Variants in BTNL2 observed in about 807,000 individuals in gnomAD.
The protein encoded by BTNL2 is butyrophilin like 2, also known as butyrophilin-like protein 2.
In BTNL2, 46 loss-of-function variants were observed where a neutral mutation model predicts 46.8. The ratio of observed to expected loss-of-function variants is 0.98; its 90% CI spans 0.78 to 1.26. The LOEUF is 1.26. Ranked by LOEUF, BTNL2 falls within the 50% of genes most tolerant of loss-of-function variation. The probability of loss-of-function intolerance (pLI) is 0.00; values close to 1 mark genes in which losing one functional copy is unlikely to be tolerated. For synonymous variants in BTNL2, 226 were observed against 229.1 expected, an observed-to-expected ratio of 0.99 and a Z score of 0.12; for missense variants, 461 against 592.6, an observed-to-expected ratio of 0.78 and a Z score of 2.31.
rs748866787 is a variant in BTNL2 at position 32,402,923 on chromosome 6, C to G, written c.709+12G>C. The G allele has an allele frequency of 1.2e-6, 2 of 1,610,782 alleles. No homozygotes were observed. The highest frequency in any genetic ancestry group is 1.7e-6 in the Non-Finnish European group (2 of 1,178,268). On this transcript the variant is annotated intron_variant, in intron 3 of 7. Transcript: ENST00000454136. ...GATCTGAGCATGTGGGTCCTAGAGG[C>G]AGAGCACTGACCTGGGAGGCTGATG...
rs766927589 is a variant in BTNL2, at chr6:32,405,153, G to T, written c.213C>A (p.Ser71Arg). ...CATCCCTGTGCACAAACACAGGTGT[G>T]CTGGGCTCTGAGCGGTACCACCTCA... ...VEVRWYRSEP[S>R]TPVFVHRDGV... The change falls in exon 2 of 8, where the codon AGC becomes AGA. Residue 71 changes from serine (S) to arginine (R), a missense_variant. Transcript: ENST00000454136. The T allele has an allele frequency of 6.2e-7, 1 of 1,612,932 alleles. No individual in the cohort carries two copies. The highest frequency in any genetic ancestry group is 8.5e-7 in the Non-Finnish European group (1 of 1,180,024).
chr6:32,395,006 C>A lies in BTNL2; in HGVS notation c.1098G>T (p.Leu366=). 3 of 1,597,390 alleles carry A rather than the reference C, an allele frequency of 1.9e-6. No individual in the cohort carries two copies. Among genetic ancestry groups the A allele is most frequent in the South Asian group, 2.3e-5 (2 of 88,720 alleles). ...LKVVSLGSSP[L]ITVEGQEDGE... ...CATCTTCTTGCCCCTCCACAGTGAT[C>A]AGTGGGGAAGAACCCAGACCTGGGG... The change falls in exon 6 of 8, where the codon CTG becomes CTT. Residue 366 remains leucine, a synonymous_variant. Coordinates refer to ENST00000454136, the MANE Select transcript of BTNL2 (RefSeq NM_001304561.2).
chr6:32,405,354 G>A (rs1562260627), intron 1 of BTNL2, 68 bp from the exon 2 acceptor site: 4 of 1,435,378 alleles, frequency 2.8e-6, no homozygotes, highest in South Asian at 1.2e-5. Flanking sequence ...GCTTTGGGGT[G>A]TCCAGCCTGT....
intron 4 of BTNL2, among the ~76,000 whole-genome samples, chr6:32,398,452 A>C (rs561468661): frequency 2.6e-5 from 4 of 152,278 alleles, no homozygotes; most frequent in Admixed American, 1.3e-4. Context: ...TTGTCCTGTA[A>C]TTTTACCTAA....
intron 2 of BTNL2, among the ~76,000 whole-genome samples, chr6:32,404,669 T>C (rs905434600): frequency 3.3e-5 from 5 of 152,254 alleles, no homozygotes; most frequent in African/African-American, 1.2e-4. Context: ...CACAAATGTG[T>C]GTCTCAGCAA....
Position 32,394,747 on chromosome 6 carries a change from A to AGAGAG in BTNL2, c.1352_1356dup (p.Ser453LeufsTer7). 6.2e-7 allele frequency: 1 copy of AGAGAG among 1,611,372 alleles called. No homozygotes were observed. Among genetic ancestry groups the AGAGAG allele is most frequent in the Non-Finnish European group, 8.5e-7 (1 of 1,177,812 alleles). On this transcript the variant is annotated frameshift_variant, in exon 6 of 8. Transcript: ENST00000454136. LOFTEE classifies it high-confidence loss of function. This position sits in a 1 kb window ranked among gnomAD's most constrained non-coding sequence, Gnocchi z 4.6. ...AGGAACATAAGGAATCACCAACCTG[A>AGAGAG]GAGAGAAAAAGTTGCGATTTTCTCC...
In BTNL2 at chr6:32,396,818, AGAAATAC is replaced by A. The variant is rs1185412127; in HGVS notation, c.731-439_731-433del. Among the ~76,000 whole-genome samples, 1,778 of 152,028 alleles carry A rather than the reference AGAAATAC, an allele frequency of 0.012. 62 individuals carry two copies. Among genetic ancestry groups the A allele is most frequent in the East Asian group, 0.1 (534 of 5,114 alleles). On this transcript the variant is annotated intron_variant, in intron 4 of 7. Transcript: ENST00000454136. The surrounding 1 kb of genome is among the most constrained non-coding windows in gnomAD (Gnocchi z 4.4). ...CAACATGGTGAAACCCCGTCTCTAC[AGAAATAC>A]AAAAATTAGTCGGGCATGATGGTGG...
intron 4 of BTNL2, among the ~76,000 whole-genome samples, chr6:32,401,096 T>A (rs1379650305): frequency 7.4e-5 from 11 of 147,838 alleles, no homozygotes; most frequent in Admixed American, 6.8e-4. Flanking sequence ...TAGTCCCAGC[T>A]ACTTGGGAGG....
In BTNL2 at chr6:32,401,818, C is replaced by T; in HGVS notation, c.710-13G>A. 1 of 1,607,250 alleles carries T rather than the reference C, an allele frequency of 6.2e-7. No homozygotes were observed. The highest frequency in any genetic ancestry group is 8.5e-7 in the Non-Finnish European group (1 of 1,176,546). ...GTCTGGAGTTTCTCTGGAAAAAGAA[C>T]AAGAATAACATATTAAGGAATTTGG... On this transcript the variant is annotated splice_polypyrimidine_tract_variant and intron_variant, in intron 3 of 7. Transcript: ENST00000454136.
Position 32,407,058 on chromosome 6 carries a change from T to G in BTNL2, c.66A>C (p.Thr22=). ...AVASFLFILL[T]MKQSEDFRVI... ...AGGGAATCCTACCTGACTGCTTCAT[T>G]GTCAGCAGGATGAATAGGAAGGAGG... The change falls in exon 1 of 8, where the codon ACA becomes ACC. Residue 22 remains threonine (T), a synonymous_variant. Transcript: ENST00000454136. 1 of 1,612,884 alleles carries G rather than the reference T, an allele frequency of 6.2e-7. No homozygotes were observed. Among genetic ancestry groups the G allele is most frequent in the Non-Finnish European group, 8.5e-7 (1 of 1,179,920 alleles).
In BTNL2 at chr6:32,394,996, C is replaced by A; in HGVS notation, c.1108G>T (p.Glu370Ter). ...TGCATTTCTCCATCTTCTTGCCCCTCCACAGTGATCAGTGGGGAAGAACCC... is the reference window on the plus strand; with the variant it reads ...TGCATTTCTCCATCTTCTTGCCCCTACACAGTGATCAGTGGGGAAGAACCC... ...SLGSSPLITVEGQEDGEMQPM... is the reference protein window; with the variant it reads ...SLGSSPLITV Residue 370 changes from glutamate to a stop codon, truncating the protein, a stop_gained, in exon 6 of 8, where the codon GAG (glutamate) becomes TAG (stop). Transcript: ENST00000454136. LOFTEE classifies it high-confidence loss of function. The surrounding 1 kb of genome is among the most constrained non-coding windows in gnomAD (Gnocchi z 4.6). The A allele has an allele frequency of 6.2e-7, 1 of 1,605,736 alleles. No individual in the cohort carries two copies. The highest frequency in any genetic ancestry group is 8.5e-7 in the Non-Finnish European group (1 of 1,174,698).
intron 4 of BTNL2, among the ~76,000 whole-genome samples, chr6:32,398,245 C>T (rs118106395): frequency 0.012 from 1,859 of 152,266 alleles, 69 homozygotes; most frequent in East Asian, 0.11. Flanking sequence ...ATAATAGAAA[C>T]ACAAGCATAA....
Position 32,394,631 on chromosome 6 carries a change from G to T in BTNL2, c.1360+113C>A. The T allele has an allele frequency of 1.5e-6, 2 of 1,293,408 alleles. No homozygotes were observed. Among genetic ancestry groups the T allele is most frequent in the Non-Finnish European group, 2.1e-6 (2 of 938,358 alleles). The allele number at this position is 1,293,408 out of a possible 1,614,324, so 80.1% of individuals were successfully genotyped here. On this transcript the variant is annotated intron_variant, in intron 6 of 7. Transcript: ENST00000454136. This position sits in a 1 kb window ranked among gnomAD's most constrained non-coding sequence, Gnocchi z 4.6. ...TTTGCAGAGGATAGCAGGAGACCTC[G>T]TCAGAGATCAGCAAATAAAAATCAC...
chr6:32,405,060 A>G lies in BTNL2; in HGVS notation c.306T>C (p.Ile102=). 1.2e-6 allele frequency: 2 copies of G among 1,613,006 alleles called. No homozygotes were observed. Residue 102 remains isoleucine (I), a synonymous_variant, in exon 2 of 8, where the codon ATT becomes ATC. Coordinates refer to ENST00000454136, the MANE Select transcript of BTNL2 (RefSeq NM_001304561.2). ...RGWVEWIENG[I]AKGNVALKIH... is the part of the protein sequence containing the mutation. ...TCTTCAGTGCCACATTTCCCTTTGC[A>G]ATGCCATTCTCTATCCACTCTACCC... is the stretch of plus-strand genomic sequence containing the variant.
chr6:32,398,752 T>C (rs1776590372), intron 4 of BTNL2, among the ~76,000 whole-genome samples: 1 of 152,206 alleles, frequency 6.6e-6, no homozygotes, highest in Non-Finnish European at 1.5e-5. Flanking sequence ...AATGTAAGTA[T>C]GGAGATTCAA....
chr6:32,396,419 G>T lies in BTNL2; in HGVS notation c.731-33C>A, dbSNP rs1415013617. On this transcript the variant is annotated intron_variant, in intron 4 of 7. Coordinates refer to ENST00000454136, the MANE Select transcript of BTNL2 (RefSeq NM_001304561.2). This position sits in a 1 kb window ranked among gnomAD's most constrained non-coding sequence, Gnocchi z 4.4. ...ATAGAGTGGACAAAACACAATGAAAGAATCAAAATGGAACCAATAATGTCA... is the reference window on the plus strand; with the variant it reads ...ATAGAGTGGACAAAACACAATGAAATAATCAAAATGGAACCAATAATGTCA... The T allele has an allele frequency of 1.9e-6, 3 of 1,562,264 alleles. No homozygotes were observed. The highest frequency in any genetic ancestry group is 4.5e-5 in the East Asian group (2 of 44,430).
chr6:32,396,315 A>G lies in BTNL2; in HGVS notation c.802T>C (p.Tyr268His), dbSNP rs116715584. Reference sequence around the variant, plus strand: ...TGTGCATTCGCCTTGGGGGACAGGTAACAGGTTAGCTGTATATCTTCTCCC... The same window carrying G: ...TGTGCATTCGCCTTGGGGGACAGGTGACAGGTTAGCTGTATATCTTCTCCC... Reference protein sequence around the residue: ...RVGEDIQLTCYLSPKANAQSM... With the variant: ...RVGEDIQLTCHLSPKANAQSM... Residue 268 changes from tyrosine to histidine, a missense_variant, in exon 5 of 8, where the codon TAC becomes CAC. Physicochemically the swap from Tyr to His is moderately conservative, Grantham distance 83. Coordinates refer to ENST00000454136, the MANE Select transcript of BTNL2 (RefSeq NM_001304561.2). The surrounding 1 kb of genome is among the most constrained non-coding windows in gnomAD (Gnocchi z 4.4). 4.0e-4 allele frequency: 643 copies of G among 1,612,880 alleles called. 1 individual carries two copies. The African/African-American group carries it at 7.8e-3, about 19-fold the overall frequency.
Position 32,401,821 on chromosome 6 carries a change from G to T in BTNL2, c.710-16C>A. ...TGGAGTTTCTCTGGAAAAAGAACAA[G>T]AATAACATATTAAGGAATTTGGTGT... On this transcript the variant is annotated splice_polypyrimidine_tract_variant and intron_variant, in intron 3 of 7. Transcript: ENST00000454136. The T allele has an allele frequency of 6.2e-7, 1 of 1,604,036 alleles. No individual in the cohort carries two copies. Among genetic ancestry groups the T allele is most frequent in the South Asian group, 1.1e-5 (1 of 88,324 alleles).
chr6:32,402,941 G>C lies in BTNL2; in HGVS notation c.703C>G (p.Leu235Val), dbSNP rs774003165. ...CTAGAGGCAGAGCACTGACCTGGGA[G>C]GCTGATGACCGACCCCTTCTCCTCA... Reference protein sequence around the residue: ...LTEEKGSVISLPEKLQTELAS... With the variant: ...LTEEKGSVISVPEKLQTELAS... The change falls in exon 3 of 8, where the codon CTC (leucine) becomes GTC (valine). Residue 235 changes from leucine (L) to valine (V), a missense_variant. Physicochemically the swap from Leu to Val is conservative, Grantham distance 32. Coordinates refer to ENST00000454136, the MANE Select transcript of BTNL2 (RefSeq NM_001304561.2). 20 of 1,612,324 alleles carry C rather than the reference G, an allele frequency of 1.2e-5. No individual in the cohort carries two copies. Among genetic ancestry groups the C allele is most frequent in the Non-Finnish European group, 1.6e-5 (19 of 1,179,604 alleles).
Sources: allele counts gnomAD v4.1 joint callset (sites outside exome capture counted in the v4.1 genomes callset), GRCh38; gene constraint gnomAD v4.1.1; non-coding constraint Gnocchi (gnomAD v3.1); transcripts MANE v1.5; gene names NCBI Gene and HGNC (gene_info 2026-07-23, HGNC 2026-07-21).